Variants in CD48 observed in about 807,000 individuals in gnomAD.
CD48 encodes the protein CD48 antigen.
In CD48, 20 loss-of-function variants were observed where a neutral mutation model predicts 22.0. That is an observed-to-expected ratio of 0.91 (90% CI 0.64 to 1.32). The LOEUF (loss-of-function observed/expected upper bound fraction) is 1.32. Ranked by LOEUF, CD48 falls within the 40% of genes most tolerant of loss-of-function variation. The probability of loss-of-function intolerance (pLI) is 0.00; values close to 1 mark genes in which losing one functional copy is unlikely to be tolerated. For synonymous variants in CD48, 110 were observed against 110.1 expected, an observed-to-expected ratio of 1.00 and a Z score of 0.01; for missense variants, 307 against 286.5, an observed-to-expected ratio of 1.07 and a Z score of -0.52.
At chr1:160,704,635 T>G (rs1220912685) in intron 1 of CD48, among the ~76,000 whole-genome samples, 1 of 152,360 alleles carries the variant, frequency 6.6e-6, no homozygotes, top group South Asian at 2.1e-4. Flanking sequence ...GGCATTTAAT[T>G]AACTAAAATT....
Position 160,685,038 on chromosome 1 carries a change from T to C in CD48, c.234A>G (p.Glu78=), listed in dbSNP as rs753803900. 2 of 1,614,250 alleles carry C rather than the reference T, an allele frequency of 1.2e-6. No individual in the cohort carries two copies. Among genetic ancestry groups the C allele is most frequent in the South Asian group, 2.2e-5 (2 of 91,084 alleles). The stretch of plus-strand genomic sequence containing the variant: ...GTCTGACCCTGCCTTTAAATTTGGA[T>C]TCAAAGTACTTAGATTTTCTGGAAT... ...EWDSRKSKYF[E]SKFKGRVRLD... Residue 78 remains glutamate (E), a synonymous_variant, in exon 2 of 4, where the codon GAA becomes GAG. Coordinates refer to ENST00000368046, the MANE Select transcript of CD48 (RefSeq NM_001778.4).
In CD48 at chr1:160,681,361, A is replaced by G. The variant is rs776292982; in HGVS notation, c.493T>C (p.Trp165Arg). The part of the protein sequence containing the change: ...VIPGESVNYT[W>R]YGDKRPFPKE... ...GGGAAGGGCCTTTTGTCCCCATACC[A>G]GGTGTAGTTTACAGACTCGCCAGGT... Residue 165 changes from tryptophan (W) to arginine (R), a missense_variant, in exon 3 of 4, where the codon TGG (tryptophan) becomes CGG (arginine). By Grantham distance (101) the Trp-to-Arg change is moderately radical (BLOSUM62 -3). Coordinates refer to ENST00000368046, the MANE Select transcript of CD48 (RefSeq NM_001778.4). The G allele has an allele frequency of 2.5e-6, 4 of 1,614,074 alleles. No individual in the cohort carries two copies. Among genetic ancestry groups the G allele is most frequent in the South Asian group, 1.1e-5 (1 of 91,092 alleles).
intron 1 of CD48, chr1:160,686,488 A>C (rs979549809): frequency 2.0e-5 from 3 of 152,202 alleles, no homozygotes; most frequent in Non-Finnish European, 4.4e-5. Context: ...TTAAAAGCTA[A>C]TATTTGTTAA....
chr1:160,709,112 T>C (rs2102443839), intron 1 of CD48, among the ~76,000 whole-genome samples: 1 of 152,274 alleles, frequency 6.6e-6, no homozygotes, highest in Non-Finnish European at 1.5e-5. Context: ...AAGTAAATCA[T>C]TGTTATTATT....
chr1:160,679,134 G>A lies in CD48; in HGVS notation c.653-3C>T. The A allele has an allele frequency of 1.2e-6, 2 of 1,613,528 alleles. No homozygotes were observed. Among genetic ancestry groups the A allele is most frequent in the Non-Finnish European group, 1.7e-6 (2 of 1,179,460 alleles). ...CCATTCTACTCCAAAGGACCGGGCT[G>A]AAAGAGCAAGAAAACCCTATATGCT... On this transcript the variant is annotated splice_polypyrimidine_tract_variant and splice_region_variant and intron_variant, in intron 3 of 3. Transcript: ENST00000368046.
chr1:160,688,532 A>C (rs141663185), intron 1 of CD48, among the ~76,000 whole-genome samples: 276 of 152,344 alleles, frequency 1.8e-3, no homozygotes, highest in African/African-American at 6.3e-3. Flanking sequence ...GAGGCTTAAC[A>C]CAACTCTGTA....
chr1:160,688,796 T>C (rs900962906), intron 1 of CD48, among the ~76,000 whole-genome samples: 1 of 152,162 alleles, frequency 6.6e-6, no homozygotes, highest in Non-Finnish European at 1.5e-5. Context: ...GATCCTCCTA[T>C]GCAAAGTAGA....
intron 1 of CD48, among the ~76,000 whole-genome samples, chr1:160,703,445 G>A (rs1228547378): frequency 5.3e-5 from 8 of 152,288 alleles, no homozygotes; most frequent in Admixed American, 4.6e-4. Context: ...GGGCTGTAGT[G>A]GATGGGGGAT....
At chr1:160,706,793 T>A (rs1422964729) in intron 1 of CD48, among the ~76,000 whole-genome samples, 1 of 152,090 alleles carries the variant, frequency 6.6e-6, no homozygotes, top group African/African-American at 2.4e-5. Context: ...AAAACAGAAT[T>A]GTAACGGGAA....
In CD48 at chr1:160,679,637, A is replaced by T. The variant is rs553436798; in HGVS notation, c.653-506T>A. ...GAAAGCTTAGATGCTGGGGTGGGGAAGGGCTGAGCTGGAGAAAATAAAAAA... is the reference window on the plus strand; with the variant it reads ...GAAAGCTTAGATGCTGGGGTGGGGATGGGCTGAGCTGGAGAAAATAAAAAA... On this transcript the variant is annotated intron_variant, in intron 3 of 3. Transcript: ENST00000368046. Among the ~76,000 whole-genome samples the T allele has an allele frequency of 3.7e-4, 56 of 152,304 alleles. 1 individual carries two copies. Among genetic ancestry groups the T allele is most frequent in the Middle Eastern group, 6.8e-3 (2 of 294 alleles).
chr1:160,683,084 T>A (rs1449461863), intron 2 of CD48, among the ~76,000 whole-genome samples: 1 of 152,256 alleles, frequency 6.6e-6, no homozygotes, highest in Non-Finnish European at 1.5e-5. Context: ...TTGCTCAGAC[T>A]ACAGAGGTGA....
chr1:160,704,788 A>G (rs1259537018), intron 1 of CD48, among the ~76,000 whole-genome samples: 1 of 149,786 alleles, frequency 6.7e-6, no homozygotes, highest in Non-Finnish European at 1.5e-5. Flanking sequence ...TTCTTTTATT[A>G]TTTTTCTTTT....
intron 1 of CD48, among the ~76,000 whole-genome samples, chr1:160,706,743 C>T (rs183578509): frequency 1.3e-5 from 2 of 152,034 alleles, no homozygotes; most frequent in Non-Finnish European, 2.9e-5. Flanking sequence ...GAAATAGAAC[C>T]AGATCCTGTC....
chr1:160,711,816 G>C lies in CD48; in HGVS notation c.-53C>G. 8.1e-7 allele frequency: 1 copy of C among 1,240,642 alleles called. No homozygotes were observed. The highest frequency in any genetic ancestry group is 1.2e-6 in the Non-Finnish European group (1 of 864,390). The allele number at this position is 1,240,642 out of a possible 1,614,324, so 76.9% of individuals were successfully genotyped here. A position where few individuals can be genotyped will look rare whatever the true frequency, so the allele number is the denominator to read the frequency against. On this transcript the variant is annotated 5_prime_UTR_variant, in exon 1 of 4. Coordinates refer to ENST00000368046, the MANE Select transcript of CD48 (RefSeq NM_001778.4). Reference sequence around the variant, plus strand: ...CAGGAGACAGTTGAGAGCCTGGCTAGAAAAAGGCCGGGGCTAAAAACGGAA... The same window carrying C: ...CAGGAGACAGTTGAGAGCCTGGCTACAAAAAGGCCGGGGCTAAAAACGGAA...
At chr1:160,684,803 T>C (rs1661928585) in intron 2 of CD48, 84 bp downstream of exon 2, 1 of 1,613,140 alleles carries the variant, frequency 6.2e-7, no homozygotes, top group Non-Finnish European at 8.5e-7. Context: ...TCCCCGAGAG[T>C]GCCCCATGCC....
intron 1 of CD48, among the ~76,000 whole-genome samples, chr1:160,686,960 C>A (rs1378100975): frequency 1.3e-5 from 2 of 152,102 alleles, no homozygotes; most frequent in East Asian, 1.9e-4. Context: ...ACCAGTCTGA[C>A]CAAAATTTAT....
At chr1:160,698,418 T>A (rs1356890419) in intron 1 of CD48, among the ~76,000 whole-genome samples, 2 of 152,280 alleles carry the variant, frequency 1.3e-5, no homozygotes, top group Admixed American at 6.5e-5. Flanking sequence ...GCAGTGATTA[T>A]GGGATTAATT....
At chr1:160,680,929 T>C (rs957631669) in intron 3 of CD48, 7 of 1,430,134 alleles carry the variant, frequency 4.9e-6, no homozygotes, top group East Asian at 2.5e-5. Context: ...AGGACTATGC[T>C]TTGTTAGAGC....
At chr1:160,685,938 T>A (rs1363693327) in intron 1 of CD48, among the ~76,000 whole-genome samples, 1 of 152,224 alleles carries the variant, frequency 6.6e-6, no homozygotes, top group Non-Finnish European at 1.5e-5. Context: ...TATGATTGAA[T>A]GCCAATAGAC....
Sources: allele counts gnomAD v4.1 joint callset (sites outside exome capture counted in the v4.1 genomes callset), GRCh38; gene constraint gnomAD v4.1.1; transcripts MANE v1.5; gene names NCBI Gene and HGNC (gene_info 2026-07-23, HGNC 2026-07-21).